ERGIC1: variants seen among roughly 807,000 people sequenced by gnomAD.
The protein encoded by ERGIC1 is endoplasmic reticulum-golgi intermediate compartment 1.
In ERGIC1, 19 loss-of-function variants were observed where a neutral mutation model predicts 38.3. The observed-to-expected ratio is 0.50, with a 90% CI of 0.35 to 0.73. ERGIC1 has a LOEUF of 0.73. ERGIC1 is among the 30% of genes least tolerant of loss of function. The pLI is 0.01. For missense variants in ERGIC1, 294 were observed against 389.2 expected (o/e 0.76, Z 2.06); for synonymous variants, 124 against 157.6 (o/e 0.79, Z 1.60).
intron 9 of ERGIC1, among the ~76,000 whole-genome samples, chr5:172,938,531 C>T (rs1763934318): frequency 4.1e-5 from 6 of 147,932 alleles, no homozygotes; most frequent in Admixed American, 3.4e-4. Flanking sequence ...GGCGGGGGAT[C>T]ACTTGAGGTC....
chr5:172,877,566 AC>A (rs1762178494), intron 1 of ERGIC1, among the ~76,000 whole-genome samples: 1 of 147,946 alleles, frequency 6.8e-6, no homozygotes, highest in African/African-American at 2.5e-5. Context: ...TTCAAGCACC[AC>A]CCCCCTGACA....
In ERGIC1 at chr5:172,926,937, AC is replaced by A. The variant is rs1449449258; in HGVS notation, c.541+370del. On this transcript the variant is annotated intron_variant, in intron 7 of 9. Transcript: ENST00000393784. The surrounding 1 kb of genome is among the most constrained non-coding windows in gnomAD (Gnocchi z 5.2). The stretch of plus-strand genomic sequence containing the variant: ...AGGATCTGTTCTGCCTCCAGGTCGC[AC>A]CGTGAGAACAGGTCTGTGGGTGGCC... 2 of 250,554 alleles carry A rather than the reference AC, an allele frequency of 8.0e-6. No individual in the cohort carries two copies. Among genetic ancestry groups the A allele is most frequent in the African/African-American group, 4.5e-5 (2 of 44,846 alleles). 15.5% of individuals were successfully genotyped at this position (250,554 alleles called of 1,614,324 possible).
At chr5:172,870,662 A>G (rs1486383631) in intron 1 of ERGIC1, among the ~76,000 whole-genome samples, 2 of 152,220 alleles carry the variant, frequency 1.3e-5, no homozygotes, top group African/African-American at 2.4e-5. Flanking sequence ...CAGTTATGCC[A>G]TGAACTGTTG....
intron 2 of ERGIC1, among the ~76,000 whole-genome samples, chr5:172,896,627 G>A (rs1762729343): frequency 6.6e-6 from 1 of 152,212 alleles, no homozygotes; most frequent in Non-Finnish European, 1.5e-5. Flanking sequence ...TCTGCTGACT[G>A]TTCAAGGTGG....
In ERGIC1 at chr5:172,908,306, C is replaced by CAGT. The variant is rs1561729549; in HGVS notation, c.156-1361_156-1360insAGT. Among the ~76,000 whole-genome samples the CAGT allele has an allele frequency of 5.4e-4, 8 of 14,906 alleles. 1 individual carries two copies. The highest frequency in any genetic ancestry group is 2.8e-3 in the Admixed American group (3 of 1,056). 9.8% of individuals were successfully genotyped at this position (14,906 alleles called of 152,430 possible). On this transcript the variant is annotated intron_variant, in intron 3 of 9. Coordinates refer to ENST00000393784, the MANE Select transcript of ERGIC1 (RefSeq NM_001031711.3). ...GCACTTTGGGAGGCTGAGGCGGGGGCGGGGGGGGGGGGAGAGAGGGGAGGG... is the reference window on the plus strand; with the variant it reads ...GCACTTTGGGAGGCTGAGGCGGGGGCAGTGGGGGGGGGGGGAGAGAGGGGAGGG...
At chr5:172,903,968 T>TACACACACACACACACACACACACAC (rs70984919) in intron 3 of ERGIC1, among the ~76,000 whole-genome samples, 1 of 150,292 alleles carries the variant, frequency 6.7e-6, no homozygotes, top group East Asian at 2.0e-4. Flanking sequence ...GTCTCACACA[T>TACACACACACACACACACACACACAC]ACACACACAC....
At chr5:172,920,350 T>A in intron 5 of ERGIC1, 1 of 717,836 alleles carries the variant, frequency 1.4e-6, no homozygotes, top group South Asian at 1.5e-5. Flanking sequence ...ATGGCCTCCT[T>A]ATCCGACCCC....
chr5:172,902,779 T>TG, intron 3 of ERGIC1, among the ~76,000 whole-genome samples: 1 of 152,264 alleles, frequency 6.6e-6, no homozygotes, highest in East Asian at 1.9e-4. Flanking sequence ...CCCAAGCCCT[T>TG]GCGGCAGGCC....
chr5:172,904,711 G>A (rs923120892), intron 3 of ERGIC1, among the ~76,000 whole-genome samples: 4 of 152,362 alleles, frequency 2.6e-5, no homozygotes, highest in Non-Finnish European at 2.9e-5. Context: ...CCATGGGGTG[G>A]TTGTGGGTGA....
chr5:172,925,794 G>A (rs541483704), intron 6 of ERGIC1, among the ~76,000 whole-genome samples: 23 of 152,278 alleles, frequency 1.5e-4, no homozygotes, highest in African/African-American at 4.8e-4. Flanking sequence ...TGTTAACCAT[G>A]CCCATGGTAG....
intron 1 of ERGIC1, among the ~76,000 whole-genome samples, chr5:172,855,249 A>C (rs1761516501): frequency 6.6e-6 from 1 of 152,078 alleles, no homozygotes; most frequent in Admixed American, 6.5e-5. Flanking sequence ...GTGGGAGAGG[A>C]AGCATGCCTA....
chr5:172,949,066 C>G (rs1221877305), intron 9 of ERGIC1, among the ~76,000 whole-genome samples: 1 of 152,182 alleles, frequency 6.6e-6, no homozygotes, highest in African/African-American at 2.4e-5. Flanking sequence ...AAATAAGTTT[C>G]CTTGCAAACC....
Position 172,927,095 on chromosome 5 carries a change from G to C in ERGIC1, c.541+526G>C, listed in dbSNP as rs541965946. ...CCCTGGCACCTTGGCCCAGATCAAA[G>C]AGAACCGCACATCTCCACACGCAGA... On this transcript the variant is annotated intron_variant, in intron 7 of 9. Transcript: ENST00000393784. 2.5e-5 allele frequency: 4 copies of C among 162,750 alleles called. No individual in the cohort carries two copies. In the East Asian group the frequency reaches 7.2e-4, roughly 29 times the overall value. The allele number at this position is 162,750 out of a possible 1,614,324, so 10.1% of individuals were successfully genotyped here. A position where few individuals can be genotyped will look rare whatever the true frequency, so the allele number is the denominator to read the frequency against.
chr5:172,871,811 C>G (rs546449182), intron 1 of ERGIC1, among the ~76,000 whole-genome samples: 1 of 152,342 alleles, frequency 6.6e-6, no homozygotes, highest in South Asian at 2.1e-4. Flanking sequence ...GACAGATCTG[C>G]TAAGACAGGC....
chr5:172,839,287 A>G (rs985081150), intron 1 of ERGIC1, among the ~76,000 whole-genome samples: 2 of 148,442 alleles, frequency 1.3e-5, no homozygotes, highest in Non-Finnish European at 3.0e-5. Context: ...CAGGTGTGGT[A>G]GCTCACACCT....
At chr5:172,935,668 T>A (rs1313780346) in intron 9 of ERGIC1, 1 of 189,898 alleles carries the variant, frequency 5.3e-6, no homozygotes, top group Non-Finnish European at 1.1e-5. Flanking sequence ...ATGTGTAAAT[T>A]TTGCACCAAA....
chr5:172,886,051 T>A (rs1398016573), intron 1 of ERGIC1, among the ~76,000 whole-genome samples: 1 of 151,936 alleles, frequency 6.6e-6, no homozygotes, highest in East Asian at 1.9e-4. Flanking sequence ...TTGTTTTCTC[T>A]CCATTCCCTC....
Position 172,846,695 on chromosome 5 carries a change from G to A in ERGIC1, c.20+12262G>A, listed in dbSNP as rs924541407. Among the ~76,000 whole-genome samples, 2 of 152,212 alleles carry A rather than the reference G, an allele frequency of 1.3e-5. No individual in the cohort carries two copies. Among genetic ancestry groups the A allele is most frequent in the African/African-American group, 4.8e-5 (2 of 41,452 alleles). ...AAGGTTTCTCCTGGCGCAGGAAAGT[G>A]TTTTAAGAGGTGAGCATGAGACTTG... On this transcript the variant is annotated intron_variant, in intron 1 of 9. Coordinates refer to ENST00000393784, the MANE Select transcript of ERGIC1 (RefSeq NM_001031711.3). This position sits in a 1 kb window ranked among gnomAD's most constrained non-coding sequence, Gnocchi z 4.0.
rs868635823 is a variant in ERGIC1 at position 172,855,561 on chromosome 5, C to T, written c.20+21128C>T. Among the ~76,000 whole-genome samples the T allele has an allele frequency of 3.9e-5, 6 of 152,224 alleles. No individual in the cohort carries two copies. The South Asian group carries it at 1.2e-3, about 32-fold the overall frequency. On this transcript the variant is annotated intron_variant, in intron 1 of 9. Coordinates refer to ENST00000393784, the MANE Select transcript of ERGIC1 (RefSeq NM_001031711.3). Reference sequence around the variant, plus strand: ...ACAGTTGGAGGATCAAGAGTTTTCCCAGCGAGAATATCCAGGGAACTCTGG... The same window carrying T: ...ACAGTTGGAGGATCAAGAGTTTTCCTAGCGAGAATATCCAGGGAACTCTGG...
Sources: gnomAD v4.1 joint callset for allele counts (sites outside exome capture counted in the v4.1 genomes callset) on GRCh38, gnomAD v4.1.1 for gene constraint, Gnocchi (gnomAD v3.1) non-coding constraint, MANE v1.5 for transcripts, NCBI Gene and HGNC (gene_info 2026-07-23, HGNC 2026-07-21) for gene names.